The following CTNND2 variants were observed in gnomAD, a reference collection of about 807,000 sequenced individuals.
CTNND2 encodes the protein catenin delta-2.
In CTNND2, 22 loss-of-function variants were observed where a neutral mutation model predicts 144.4. That is an observed-to-expected ratio of 0.15 (90% CI 0.11 to 0.22). The LOEUF is 0.22. Ranked by LOEUF, CTNND2 falls within the 10% of genes least tolerant of loss-of-function variation. The pLI is 1.00. For missense variants in CTNND2, 1,353 were observed against 1,618.8 expected (o/e 0.84, Z 2.82); for synonymous variants, 751 against 695.6 (o/e 1.08, Z -1.25).
intron 10 of CTNND2, among the ~76,000 whole-genome samples, chr5:11,206,427 T>A (rs1738056049): frequency 6.6e-6 from 1 of 152,164 alleles, no homozygotes; most frequent in African/African-American, 2.4e-5. Flanking sequence ...AAGAAAGGCC[T>A]CTCCATTTTT....
chr5:11,669,106 G>A (rs988703263), intron 2 of CTNND2, among the ~76,000 whole-genome samples: 1 of 152,162 alleles, frequency 6.6e-6, no homozygotes, highest in Non-Finnish European at 1.5e-5. Context: ...GAATCCCAGG[G>A]ATGAAGCCGA....
At chr5:11,260,914 T>A (rs1444919140) in intron 9 of CTNND2, among the ~76,000 whole-genome samples, 1 of 152,138 alleles carries the variant, frequency 6.6e-6, no homozygotes, top group Non-Finnish European at 1.5e-5. Context: ...ATACAAAGGT[T>A]ATTAAATTAA....
At chr5:11,484,063 C>A (rs984622526) in intron 3 of CTNND2, among the ~76,000 whole-genome samples, 1 of 152,182 alleles carries the variant, frequency 6.6e-6, no homozygotes, top group African/African-American at 2.4e-5. Flanking sequence ...GCCAGGCTGT[C>A]CAGTTGCACA....
At chr5:11,176,420 T>C (rs1760486187) in intron 11 of CTNND2, among the ~76,000 whole-genome samples, 1 of 152,152 alleles carries the variant, frequency 6.6e-6, no homozygotes, top group Non-Finnish European at 1.5e-5. Context: ...TTGTTGACAA[T>C]GGACATTAAT....
chr5:11,493,049 G>T (rs1054817076), intron 3 of CTNND2, among the ~76,000 whole-genome samples: 2 of 152,050 alleles, frequency 1.3e-5, no homozygotes, highest in Admixed American at 6.6e-5. Context: ...TGACAGAGCT[G>T]CAGTGAGCCC....
intron 1 of CTNND2, among the ~76,000 whole-genome samples, chr5:11,766,429 G>T (rs1276494102): frequency 6.6e-6 from 1 of 152,176 alleles, no homozygotes; most frequent in Non-Finnish European, 1.5e-5. Context: ...TCTCTTGAAT[G>T]AATAAGTCTC....
intron 9 of CTNND2, among the ~76,000 whole-genome samples, chr5:11,320,511 C>T (rs1203133661): frequency 6.6e-6 from 1 of 152,166 alleles, no homozygotes; most frequent in Non-Finnish European, 1.5e-5. Flanking sequence ...CTGATAAAGA[C>T]ATACCCGAGA....
At chr5:11,573,357 G>A (rs941036441) in intron 2 of CTNND2, among the ~76,000 whole-genome samples, 5 of 152,050 alleles carry the variant, frequency 3.3e-5, no homozygotes, top group African/African-American at 1.2e-4. Flanking sequence ...GTATGCCTGG[G>A]TGATCTTTTT....
intron 20 of CTNND2, among the ~76,000 whole-genome samples, chr5:10,986,981 A>C (rs12520815): frequency 0.13 from 19,800 of 152,258 alleles, 1,374 homozygotes; most frequent in East Asian, 0.24. Flanking sequence ...TCCTCTCCTA[A>C]GAGGGTCTCA....
chr5:11,257,503 T>C (rs935297946), intron 9 of CTNND2, among the ~76,000 whole-genome samples: 2 of 152,166 alleles, frequency 1.3e-5, no homozygotes, highest in Non-Finnish European at 2.9e-5. Flanking sequence ...CACCCCTTCA[T>C]AGGGCAGCAG....
At chr5:11,434,821 A>G (rs2149880715) in intron 3 of CTNND2, among the ~76,000 whole-genome samples, 1 of 152,336 alleles carries the variant, frequency 6.6e-6, no homozygotes, top group Non-Finnish European at 1.5e-5. Flanking sequence ...AATGACTCCC[A>G]TATCCCAGGC....
intron 3 of CTNND2, among the ~76,000 whole-genome samples, chr5:11,553,799 AGAGT>A (rs1775981037): frequency 6.6e-6 from 1 of 152,144 alleles, no homozygotes; most frequent in Admixed American, 6.5e-5. Context: ...AAAATTCATT[AGAGT>A]TAGTTTTTGT....
intron 10 of CTNND2, among the ~76,000 whole-genome samples, chr5:11,229,707 T>C (rs1032465757): frequency 5.9e-5 from 9 of 151,826 alleles, no homozygotes; most frequent in African/African-American, 1.4e-4. Flanking sequence ...CACATATATA[T>C]ACATATATAT....
At chr5:11,803,124 A>G (rs1175584565) in intron 1 of CTNND2, among the ~76,000 whole-genome samples, 2 of 152,150 alleles carry the variant, frequency 1.3e-5, no homozygotes, top group Non-Finnish European at 2.9e-5. Flanking sequence ...GATCAAGACC[A>G]TCCTGGCTAA....
At chr5:11,338,340 C>T (rs991367162) in intron 9 of CTNND2, among the ~76,000 whole-genome samples, 2 of 152,140 alleles carry the variant, frequency 1.3e-5, no homozygotes, top group East Asian at 1.9e-4. Flanking sequence ...CTGCAGTCCT[C>T]GAGGCCCTGG....
chr5:11,807,887 T>G (rs947461737), intron 1 of CTNND2, among the ~76,000 whole-genome samples: 7 of 152,212 alleles, frequency 4.6e-5, no homozygotes, highest in African/African-American at 1.4e-4. Context: ...TATTAATGAT[T>G]GTGTTTGAGT....
In CTNND2 at chr5:11,245,067, C is replaced by A. The variant is rs145193839; in HGVS notation, c.1629-8244G>T. ...TATAAACACAGGGTCAGCATTCATG[C>A]CTGATTTGCATCAAATTTGATTATT... On this transcript the variant is annotated intron_variant, in intron 9 of 21. Coordinates refer to ENST00000304623, the MANE Select transcript of CTNND2 (RefSeq NM_001332.4). Among the ~76,000 whole-genome samples the A allele has an allele frequency of 2.6e-4, 39 of 152,306 alleles. 1 individual carries two copies. Among genetic ancestry groups the A allele is most frequent in the African/African-American group, 9.4e-4 (39 of 41,564 alleles).
intron 9 of CTNND2, among the ~76,000 whole-genome samples, chr5:11,267,563 T>A (rs1745574816): frequency 6.6e-6 from 1 of 152,160 alleles, no homozygotes; most frequent in Non-Finnish European, 1.5e-5. Flanking sequence ...AACTCCCTTG[T>A]GTGGGGGCCT....
intron 12 of CTNND2, among the ~76,000 whole-genome samples, chr5:11,122,207 C>T (rs77088150): frequency 0.16 from 23,527 of 149,330 alleles, 2,969 homozygotes; most frequent in East Asian, 0.45. Context: ...CCTTGTGTTA[C>T]AAGCCTCATC....
Sources: allele counts gnomAD v4.1 joint callset (sites outside exome capture counted in the v4.1 genomes callset), GRCh38; gene constraint gnomAD v4.1.1; transcripts MANE v1.5; gene names NCBI Gene and HGNC (gene_info 2026-07-23, HGNC 2026-07-21).